The following CCM2L variants were observed in gnomAD, a reference collection of about 807,000 sequenced individuals.
CCM2L encodes CCM2 like scaffold protein.
CCM2L carries 36 observed loss-of-function variants against 54.1 expected under a neutral mutation model. The ratio of observed to expected loss-of-function variants is 0.67; its 90% CI spans 0.51 to 0.88. CCM2L has a LOEUF of 0.88. Among genes scored for constraint, CCM2L ranks in the 40% least tolerant of loss-of-function variants. The probability of loss-of-function intolerance (pLI) is 0.00; values close to 1 mark genes in which losing one functional copy is unlikely to be tolerated. For synonymous variants in CCM2L, 351 were observed against 359.3 expected (o/e 0.98, Z 0.26); for missense variants, 700 against 812.1 (o/e 0.86, Z 1.68).
chr20:32,014,472 G>C (rs2064721238), intron 1 of CCM2L, among the ~76,000 whole-genome samples: 1 of 151,924 alleles, frequency 6.6e-6, no homozygotes, highest in Admixed American at 6.6e-5. Flanking sequence ...CACCATGTTG[G>C]CCAGGCTAGT....
chr20:32,027,142 G>A (rs1036330376), intron 7 of CCM2L, among the ~76,000 whole-genome samples: 12 of 152,352 alleles, frequency 7.9e-5, no homozygotes, highest in Admixed American at 2.0e-4. Context: ...GGGTTCCCCC[G>A]GATATGGGAT....
Position 32,031,674 on chromosome 20 carries a change from G to A in CCM2L, c.*360G>A, listed in dbSNP as rs1198407823. The A allele has an allele frequency of 6.0e-6, 1 of 166,964 alleles. No homozygotes were observed. Among genetic ancestry groups the A allele is most frequent in the Non-Finnish European group, 1.3e-5 (1 of 77,468 alleles). 10.3% of individuals were successfully genotyped at this position (166,964 alleles called of 1,614,324 possible). A position where few individuals can be genotyped will look rare whatever the true frequency, so the allele number is the denominator to read the frequency against. On this transcript the variant is annotated 3_prime_UTR_variant, in exon 10 of 10. Transcript: ENST00000452892. ...CTGGAGGCTGAGGAAGGCATGAAGA[G>A]TGGGCTCCACCTGCTGGCCGACTGA...
At chr20:32,015,242 C>A (rs565371557) in intron 2 of CCM2L, among the ~76,000 whole-genome samples, 171 bp downstream of exon 2, 6 of 152,220 alleles carry the variant, frequency 3.9e-5, no homozygotes, top group Non-Finnish European at 5.9e-5. Flanking sequence ...TGACCTCCAT[C>A]TGCTGAGCCT....
chr20:32,022,822 C>G (rs1291589932), intron 6 of CCM2L, 27 bp downstream of exon 6: 5 of 1,610,122 alleles, frequency 3.1e-6, no homozygotes, highest in South Asian at 1.1e-5. Context: ...CTGGCCTCCC[C>G]TCCTGTGAAA....
chr20:32,031,383 A>G lies in CCM2L; in HGVS notation c.*69A>G, dbSNP rs2064926183. Reference sequence around the variant, plus strand: ...GTCTCAGCTTTGCTTCGGGGACCCTATCCCCAGGGCCCCCCCATCACACCT... The same window carrying G: ...GTCTCAGCTTTGCTTCGGGGACCCTGTCCCCAGGGCCCCCCCATCACACCT... On this transcript the variant is annotated 3_prime_UTR_variant, in exon 10 of 10. Coordinates refer to ENST00000452892, the MANE Select transcript of CCM2L (RefSeq NM_001365692.1). 8.5e-7 allele frequency: 1 copy of G among 1,173,086 alleles called. No homozygotes were observed. Among genetic ancestry groups the G allele is most frequent in the Non-Finnish European group, 1.1e-6 (1 of 921,020 alleles). The allele number at this position is 1,173,086 out of a possible 1,614,324, so 72.7% of individuals were successfully genotyped here.
In CCM2L at chr20:32,031,137, C is replaced by A. The variant is rs1437640520; in HGVS notation, c.1539C>A (p.Ser513=). ...IKRSMSSTSA[S]AVRSYDGAAQ... is the part of the protein sequence containing the mutation. ...GCAGCATGAGCTCCACGTCGGCCTC[C>A]GCAGTGCGCAGCTACGATGGCGCGG... The change falls in exon 10 of 10, where the codon TCC becomes TCA. Residue 513 remains serine, a synonymous_variant. Transcript: ENST00000452892. 7.7e-7 allele frequency: 1 copy of A among 1,303,984 alleles called. No individual in the cohort carries two copies. Among genetic ancestry groups the A allele is most frequent in the Non-Finnish European group, 1.0e-6 (1 of 988,932 alleles). 80.8% of individuals were successfully genotyped at this position (1,303,984 alleles called of 1,614,324 possible).
At chr20:32,024,974 C>T (rs748735518) in intron 6 of CCM2L, among the ~76,000 whole-genome samples, 39 of 152,222 alleles carry the variant, frequency 2.6e-4, no homozygotes, top group African/African-American at 8.4e-4. Context: ...CTAGGAAGAG[C>T]GCAAGCTCTC....
intron 8 of CCM2L, 67 bp from the exon 9 acceptor site, chr20:32,029,633 G>A: frequency 6.5e-7 from 1 of 1,537,654 alleles, no homozygotes; most frequent in East Asian, 2.3e-5. Flanking sequence ...AAGGCTCTGG[G>A]CCTTTCAGGC....
chr20:32,025,957 C>T (rs983454990), intron 7 of CCM2L, 38 bp downstream of exon 7: 33 of 1,289,304 alleles, frequency 2.6e-5, no homozygotes, highest in South Asian at 2.5e-5. Flanking sequence ...ACCCTGCTCC[C>T]CTACCCCTGC....
chr20:32,026,875 C>CA (rs761380291), intron 7 of CCM2L, among the ~76,000 whole-genome samples: 3,177 of 111,376 alleles, frequency 0.029, 71 homozygotes, highest in African/African-American at 0.069. Context: ...GACTCTATCT[C>CA]AAAAAAAAAA....
chr20:32,029,772 C>A lies in CCM2L; in HGVS notation c.1336C>A (p.Pro446Thr). The stretch of plus-strand genomic sequence containing the variant: ...GCTGCGGGAGTACCGGCTGGGGCTG[C>A]CCATCCAGGACTATTGCACAGGCCT... ...MLLREYRLGLPIQDYCTGLLK... is the reference protein window; with the variant it reads ...MLLREYRLGLTIQDYCTGLLK... Residue 446 changes from proline to threonine, a missense_variant, in exon 9 of 10, where the codon CCC (proline) becomes ACC (threonine). Coordinates refer to ENST00000452892, the MANE Select transcript of CCM2L (RefSeq NM_001365692.1). 1 of 1,613,454 alleles carries A rather than the reference C, an allele frequency of 6.2e-7. No individual in the cohort carries two copies.
chr20:32,015,234 A>G (rs2064732098), intron 2 of CCM2L, among the ~76,000 whole-genome samples, 163 bp downstream of exon 2: 1 of 152,014 alleles, frequency 6.6e-6, no homozygotes, highest in Admixed American at 6.6e-5. Context: ...TCAGCAAGTG[A>G]CCTCCATCTG....
Position 32,029,801 on chromosome 20 carries a change from G to T in CCM2L, c.1365G>T (p.Leu455=). The T allele has an allele frequency of 6.2e-7, 1 of 1,612,364 alleles. No homozygotes were observed. Among genetic ancestry groups the T allele is most frequent in the South Asian group, 1.1e-5 (1 of 90,974 alleles). Residue 455 remains leucine, a synonymous_variant, in exon 9 of 10, where the codon CTG becomes CTT. Coordinates refer to ENST00000452892, the MANE Select transcript of CCM2L (RefSeq NM_001365692.1). ...TCCAGGACTATTGCACAGGCCTGCTGAAGCTCTACGGAGACCGGCGCAAGT... is the reference window on the plus strand; with the variant it reads ...TCCAGGACTATTGCACAGGCCTGCTTAAGCTCTACGGAGACCGGCGCAAGT... The part of the protein sequence containing the change: ...LPIQDYCTGL[L]KLYGDRRKFL...
chr20:32,015,164 C>A, intron 2 of CCM2L, 93 bp downstream of exon 2: 1 of 1,288,742 alleles, frequency 7.8e-7, no homozygotes, highest in Non-Finnish European at 1.0e-6. Context: ...GTATCTCACA[C>A]AGGGGAAGTT....
At chr20:32,028,888 C>A in intron 7 of CCM2L, 107 bp from the exon 8 acceptor site, 1 of 1,434,438 alleles carries the variant, frequency 7.0e-7, no homozygotes, top group Non-Finnish European at 9.6e-7. Flanking sequence ...GTATGCGAGG[C>A]CTTGGAGGCC....
rs187091153 is a variant in CCM2L at position 32,017,416 on chromosome 20, A to G, written c.199-384A>G. Among the ~76,000 whole-genome samples, 335 of 152,274 alleles carry G rather than the reference A, an allele frequency of 2.2e-3. 2 individuals are homozygous for G. Among genetic ancestry groups the G allele is most frequent in the African/African-American group, 7.6e-3 (317 of 41,566 alleles). On this transcript the variant is annotated intron_variant, in intron 2 of 9. Transcript: ENST00000452892. ...TGGTCAGTTCTTTCAAGCTGTTATA[A>G]TAACTTTTGCTTCCCTATGGAATCT...
chr20:32,018,742 AG>A (rs1033360387), intron 4 of CCM2L, among the ~76,000 whole-genome samples, 200 bp from the exon 5 acceptor site: 2 of 151,440 alleles, frequency 1.3e-5, no homozygotes, highest in African/African-American at 4.9e-5. Flanking sequence ...CCGAGAGGCC[AG>A]GGGTGGAGAC....
chr20:32,029,996 C>T (rs1025853090), intron 9 of CCM2L, among the ~76,000 whole-genome samples, 158 bp downstream of exon 9: 1 of 152,138 alleles, frequency 6.6e-6, no homozygotes, highest in Non-Finnish European at 1.5e-5. Context: ...GCCCAAAGTG[C>T]AGAGTAGGGA....
intron 7 of CCM2L, 175 bp from the exon 8 acceptor site, chr20:32,028,813 CACAAAGA>C (rs1171789309): frequency 4.2e-6 from 3 of 711,000 alleles, no homozygotes; most frequent in Non-Finnish European, 6.9e-6. Flanking sequence ...GGGCGCGAAG[CACAAAGA>C]GCAAAGGCAA....
Sources: gnomAD v4.1 joint callset for allele counts (sites outside exome capture counted in the v4.1 genomes callset) on GRCh38, gnomAD v4.1.1 for gene constraint, MANE v1.5 for transcripts, NCBI Gene and HGNC (gene_info 2026-07-23, HGNC 2026-07-21) for gene names.